VPS4B: variants seen among roughly 807,000 people sequenced by gnomAD.
VPS4B encodes vacuolar protein sorting-associated protein 4B.
Under a neutral mutation model 56.1 loss-of-function variants are expected in VPS4B, and 23 were observed. The ratio of observed to expected loss-of-function variants is 0.41; its 90% CI spans 0.30 to 0.58. The LOEUF is 0.58. Among genes scored for constraint, VPS4B ranks in the 20% least tolerant of loss-of-function variants. VPS4B has a pLI of 0.29. For missense variants in VPS4B, 372 were observed against 531.9 expected, an observed-to-expected ratio of 0.70 and a Z score of 2.96; for synonymous variants, 177 against 186.0, an observed-to-expected ratio of 0.95 and a Z score of 0.39.
At chr18:63,406,330 C>T (rs7231602) in intron 4 of VPS4B, among the ~76,000 whole-genome samples, 90,200 of 152,104 alleles carry the variant, frequency 0.59, 27,952 homozygotes, top group East Asian at 0.88. Flanking sequence ...GTTGTCAACA[C>T]ATTATCCTTA....
intron 1 of VPS4B, among the ~76,000 whole-genome samples, chr18:63,413,899 G>T (rs1599366060): frequency 6.6e-6 from 1 of 152,306 alleles, no homozygotes; most frequent in South Asian, 2.1e-4. Context: ...GTTTACTTCA[G>T]AATTGATAAA....
rs1017536148 is a variant in VPS4B at position 63,415,641 on chromosome 18, CT to C, written c.28-4064del. Reference sequence around the variant, plus strand: ...CTTGATCTTCTTGGGGGCCTCAAAGCTGTCCAGTTGGTTGAGCAGTTCCAGC... The same window carrying C: ...CTTGATCTTCTTGGGGGCCTCAAAGCGTCCAGTTGGTTGAGCAGTTCCAGC... On this transcript the variant is annotated intron_variant, in intron 1 of 10. Transcript: ENST00000238497. The C allele has an allele frequency of 6.1e-5, 15 of 245,790 alleles. 1 individual carries two copies. The highest frequency in any genetic ancestry group is 3.2e-4 in the African/African-American group (14 of 43,704). 15.2% of individuals were successfully genotyped at this position (245,790 alleles called of 1,614,324 possible).
chr18:63,401,498 C>T (rs909258912), intron 5 of VPS4B, among the ~76,000 whole-genome samples: 1 of 152,092 alleles, frequency 6.6e-6, no homozygotes, highest in Non-Finnish European at 1.5e-5. Flanking sequence ...AGGTGATCTG[C>T]CCACCTCAGC....
intron 9 of VPS4B, among the ~76,000 whole-genome samples, chr18:63,395,791 C>G (rs1276911695): frequency 6.6e-6 from 1 of 152,218 alleles, no homozygotes; most frequent in East Asian, 1.9e-4. Flanking sequence ...AACTTTATCT[C>G]AGCCACAGAT....
intron 7 of VPS4B, 150 bp from the exon 8 acceptor site, chr18:63,399,473 A>AT: frequency 3.1e-6 from 2 of 650,844 alleles, no homozygotes; most frequent in Non-Finnish European, 5.3e-6. Context: ...ATTTAATCAA[A>AT]TATCACCTTA....
chr18:63,408,268 A>T (rs1030893431), intron 3 of VPS4B, among the ~76,000 whole-genome samples: 2 of 149,658 alleles, frequency 1.3e-5, no homozygotes, highest in East Asian at 2.0e-4. Context: ...ATAAGGCATT[A>T]TATCATTTTT....
At chr18:63,416,097 G>T (rs1278551724) in intron 1 of VPS4B, 1 of 169,564 alleles carries the variant, frequency 5.9e-6, no homozygotes, top group African/African-American at 2.4e-5. Context: ...GTATGATATT[G>T]TGCAGTGTGT....
intron 5 of VPS4B, 74 bp downstream of exon 5, chr18:63,403,633 T>C (rs1010352829): frequency 2.1e-6 from 3 of 1,422,382 alleles, no homozygotes; most frequent in East Asian, 2.4e-5. Flanking sequence ...GTGACAAGAA[T>C]GACAATGCTT....
chr18:63,389,581 C>A lies in VPS4B; in HGVS notation c.*1394G>T, dbSNP rs1235624778. On this transcript the variant is annotated 3_prime_UTR_variant, in exon 11 of 11. Transcript: ENST00000238497. The stretch of plus-strand genomic sequence containing the variant: ...GTTGATGCTAAAGTATGAAACACAT[C>A]CTCAGATTATTTATTTGAAAATATT... The A allele has an allele frequency of 6.6e-6, 1 of 151,610 alleles. No individual in the cohort carries two copies. Among genetic ancestry groups the A allele is most frequent in the Non-Finnish European group, 1.5e-5 (1 of 67,942 alleles). The allele number at this position is 151,610 out of a possible 1,614,324, so 9.4% of individuals were successfully genotyped here.
chr18:63,391,954 C>T (rs1056875740), intron 10 of VPS4B, among the ~76,000 whole-genome samples: 17 of 152,096 alleles, frequency 1.1e-4, no homozygotes, highest in African/African-American at 3.9e-4. Context: ...AAGGACCACT[C>T]TAAGTTACTA....
intron 1 of VPS4B, among the ~76,000 whole-genome samples, chr18:63,417,244 C>A (rs147464516): frequency 6.6e-6 from 1 of 152,138 alleles, no homozygotes; most frequent in Admixed American, 6.6e-5. Flanking sequence ...AAACACTGTT[C>A]GGTGTTAGTT....
At chr18:63,409,792 T>C (rs1915993768) in intron 3 of VPS4B, among the ~76,000 whole-genome samples, 1 of 152,146 alleles carries the variant, frequency 6.6e-6, no homozygotes, top group Admixed American at 6.5e-5. Flanking sequence ...CCAAAAAAAA[T>C]TTACATTGTT....
intron 4 of VPS4B, among the ~76,000 whole-genome samples, chr18:63,406,680 T>C (rs1330189551): frequency 6.6e-6 from 1 of 152,262 alleles, no homozygotes; most frequent in East Asian, 1.9e-4. Context: ...ATTGAGTCCC[T>C]AGACTTCGTC....
chr18:63,393,320 C>A (rs1339750750), intron 10 of VPS4B, 89 bp downstream of exon 10: 17 of 1,289,476 alleles, frequency 1.3e-5, no homozygotes, highest in Admixed American at 3.0e-5. Context: ...CCTGTTTATA[C>A]TAAGATTTTC....
chr18:63,410,930 A>G (rs757173593), intron 2 of VPS4B, among the ~76,000 whole-genome samples: 111 of 152,380 alleles, frequency 7.3e-4, no homozygotes, highest in Middle Eastern at 3.4e-3. Context: ...TACTACACAA[A>G]GGCCTCTGTC....
At chr18:63,401,007 G>A (rs1222341019) in intron 5 of VPS4B, among the ~76,000 whole-genome samples, 1 of 152,200 alleles carries the variant, frequency 6.6e-6, no homozygotes, top group Non-Finnish European at 1.5e-5. Flanking sequence ...GCCCTGCGTG[G>A]AGTCTAGTAG....
chr18:63,400,703 C>A lies in VPS4B; in HGVS notation c.485G>T (p.Gly162Val). 6.3e-7 allele frequency: 1 copy of A among 1,595,568 alleles called. No homozygotes were observed. The highest frequency in any genetic ancestry group is 8.5e-7 in the Non-Finnish European group (1 of 1,175,764). The change falls in exon 6 of 11, where the codon GGC (glycine) becomes GTC (valine). Residue 162 changes from glycine (G) to valine (V), a missense_variant and splice_region_variant. Coordinates refer to ENST00000238497, the MANE Select transcript of VPS4B (RefSeq NM_004869.4). ...GATTCCCCTCCAAGGTGTTCTCTTG[C>A]CTAAAATTTAGATTTAGAAAAATGT... ...LPIKFPHLFTGKRTPWRGILL... is the reference protein window; with the variant it reads ...LPIKFPHLFTVKRTPWRGILL...
chr18:63,414,724 C>T (rs543650187), intron 1 of VPS4B, among the ~76,000 whole-genome samples: 49 of 152,302 alleles, frequency 3.2e-4, no homozygotes, highest in African/African-American at 1.1e-3. Flanking sequence ...CGTGAGCCAC[C>T]GTGCCTGGCC....
In VPS4B at chr18:63,400,163, C is replaced by G. The variant is rs745375968; in HGVS notation, c.675G>C (p.Glu225Asp). ...LVKNLFQLARENKPSIIFIDE... is the reference protein window; with the variant it reads ...LVKNLFQLARDNKPSIIFIDE... The stretch of plus-strand genomic sequence containing the variant: ...CAATGAAGATAATGGAGGGCTTGTT[C>G]TCTCTGGCAAGTTGGAATAAATTCT... Residue 225 changes from glutamate (E) to aspartate (D), a missense_variant, in exon 7 of 11, where the codon GAG becomes GAC. Transcript: ENST00000238497. The G allele has an allele frequency of 2.5e-6, 4 of 1,610,918 alleles. No homozygotes were observed. Among genetic ancestry groups the G allele is most frequent in the Non-Finnish European group, 3.4e-6 (4 of 1,179,080 alleles).
Sources: allele counts gnomAD v4.1 joint callset (sites outside exome capture counted in the v4.1 genomes callset), GRCh38; gene constraint gnomAD v4.1.1; transcripts MANE v1.5; gene names NCBI Gene and HGNC (gene_info 2026-07-23, HGNC 2026-07-21).